The following SYNPR variants were observed in gnomAD, a reference collection of about 807,000 sequenced individuals.
SYNPR encodes synaptoporin.
A neutral mutation model predicts 32.9 loss-of-function variants in SYNPR; 23 were observed. The observed-to-expected ratio is 0.70, with a 90% CI of 0.50 to 0.99. SYNPR has a LOEUF of 0.99. SYNPR is among the 50% of genes least tolerant of loss of function. The pLI is 0.00. For synonymous variants in SYNPR, 146 were observed against 135.9 expected (o/e 1.07, Z -0.52); for missense variants, 318 against 349.3 (o/e 0.91, Z 0.71).
intron 2 of SYNPR, among the ~76,000 whole-genome samples, chr3:63,265,259 T>C (rs1229167456): frequency 3.6e-5 from 3 of 83,556 alleles, no homozygotes; most frequent in African/African-American, 1.2e-4. Flanking sequence ...TTTTTTTTTT[T>C]TTTTTTTTCT....
At chr3:63,321,938 C>T (rs140392423) in intron 2 of SYNPR, among the ~76,000 whole-genome samples, 2 of 152,178 alleles carry the variant, frequency 1.3e-5, no homozygotes, top group East Asian at 3.9e-4. Flanking sequence ...AGGAAATTAG[C>T]AGTTCTCAGC....
intron 2 of SYNPR, among the ~76,000 whole-genome samples, chr3:63,419,614 T>A (rs760853612): frequency 6.6e-6 from 1 of 152,218 alleles, no homozygotes; most frequent in Non-Finnish European, 1.5e-5. Context: ...TCAGCTTTTC[T>A]TGAAAAACTA....
Position 63,609,164 on chromosome 3 carries a change from G to C in SYNPR, c.448G>C (p.Val150Leu). The change falls in exon 5 of 6, where the codon GTG becomes CTG. Residue 150 changes from valine to leucine, a missense_variant. By Grantham distance (32) the Val-to-Leu change is conservative. Coordinates refer to ENST00000478300, the MANE Select transcript of SYNPR (RefSeq NM_001130003.2). ...TGTAGTCTTTTCGTTCTTGTGGTTG[G>C]TGGGTTCATCAGCTTGGGCAAAAGG... Reference protein sequence around the residue: ...VTVVFSFLWLVGSSAWAKGLS... With the variant: ...VTVVFSFLWLLGSSAWAKGLS... The C allele has an allele frequency of 1.2e-6, 2 of 1,610,994 alleles. No homozygotes were observed. Among genetic ancestry groups the C allele is most frequent in the Non-Finnish European group, 1.7e-6 (2 of 1,178,606 alleles).
intron 2 of SYNPR, among the ~76,000 whole-genome samples, chr3:63,284,623 A>G (rs552908582): frequency 6.6e-6 from 1 of 152,340 alleles, no homozygotes; most frequent in South Asian, 2.1e-4. Flanking sequence ...TGGAGACACT[A>G]GCATTTATAT....
chr3:63,259,843 A>T lies in SYNPR; in HGVS notation n.154+7257A>T, dbSNP rs1400703489. Among the ~76,000 whole-genome samples the T allele has an allele frequency of 2.0e-5, 3 of 152,196 alleles. No homozygotes were observed. In the East Asian group the frequency reaches 5.8e-4, roughly 29 times the overall value. On this transcript the variant is annotated intron_variant and non_coding_transcript_variant, in intron 2 of 4. Coordinates refer to the SYNPR transcript ENST00000478456. ...GAAAACCCCATCGTCTCAGCCCAGA[A>T]TCTCCTTAAGGTGATAGACAACTTC...
intron 2 of SYNPR, among the ~76,000 whole-genome samples, chr3:63,372,128 C>T (rs981016363): frequency 2.0e-5 from 3 of 152,110 alleles, no homozygotes; most frequent in Non-Finnish European, 2.9e-5. Flanking sequence ...GCCCCTCTGC[C>T]ACTGCCACGA....
At chr3:63,270,395 T>C (rs2086524131) in intron 3 of SYNPR, among the ~76,000 whole-genome samples, 1 of 152,082 alleles carries the variant, frequency 6.6e-6, no homozygotes, top group Admixed American at 6.5e-5. Context: ...GATCAAATGA[T>C]TTTGCAAAAA....
At chr3:63,581,468 G>A (rs985841022) in intron 4 of SYNPR, among the ~76,000 whole-genome samples, 2 of 95,332 alleles carry the variant, frequency 2.1e-5, no homozygotes, top group African/African-American at 3.3e-5. Flanking sequence ...TTATCAAAAC[G>A]TAAAGCAAAC....
At chr3:63,592,230 A>T (rs1172097280) in intron 4 of SYNPR, among the ~76,000 whole-genome samples, 1 of 152,180 alleles carries the variant, frequency 6.6e-6, no homozygotes, top group African/African-American at 2.4e-5. Flanking sequence ...GCCTCCAGGA[A>T]GAATTAGCCC....
intron 2 of SYNPR, among the ~76,000 whole-genome samples, chr3:63,474,757 C>G (rs1053874200): frequency 6.6e-6 from 1 of 152,132 alleles, no homozygotes; most frequent in Non-Finnish European, 1.5e-5. Context: ...GTACCAACTA[C>G]TTGGTTTCAA....
intron 2 of SYNPR, among the ~76,000 whole-genome samples, chr3:63,297,238 T>C (rs896337474): frequency 1.3e-5 from 2 of 152,178 alleles, no homozygotes; most frequent in African/African-American, 4.8e-5. Context: ...TCACACAACA[T>C]TGGTGGCAGT....
chr3:63,430,888 G>A (rs566372277), intron 2 of SYNPR, among the ~76,000 whole-genome samples: 1 of 152,286 alleles, frequency 6.6e-6, no homozygotes, highest in South Asian at 2.1e-4. Context: ...TGTTCCATGA[G>A]TATCAGCTTC....
At chr3:63,466,346 G>A (rs1372737592) in intron 2 of SYNPR, among the ~76,000 whole-genome samples, 1 of 151,924 alleles carries the variant, frequency 6.6e-6, no homozygotes, top group African/African-American at 2.4e-5. Context: ...CTCAGGGCCT[G>A]GGTTTTGCTG....
At chr3:63,229,906 C>G (rs1417380413) in intron 1 of SYNPR, among the ~76,000 whole-genome samples, 2 of 152,024 alleles carry the variant, frequency 1.3e-5, no homozygotes, top group Non-Finnish European at 2.9e-5. Context: ...TAAAGTCTAG[C>G]TTTTTTGCTT....
chr3:63,297,933 A>G (rs938382888), intron 2 of SYNPR, among the ~76,000 whole-genome samples: 7 of 152,152 alleles, frequency 4.6e-5, no homozygotes, highest in Non-Finnish European at 7.3e-5. Context: ...AGGTTATGTT[A>G]TCTATAGGAA....
intron 2 of SYNPR, among the ~76,000 whole-genome samples, chr3:63,296,288 A>G (rs1165594026): frequency 2.3e-5 from 3 of 132,898 alleles, no homozygotes; most frequent in African/African-American, 2.8e-5. Flanking sequence ...TAGAAATGCT[A>G]TTTCTCAAAC....
At chr3:63,612,116 A>C (rs13078714) in intron 5 of SYNPR, among the ~76,000 whole-genome samples, 67,647 of 152,032 alleles carry the variant, frequency 0.44, 15,217 homozygotes, top group Middle Eastern at 0.54. Context: ...GATACTACAA[A>C]TACTGGGAGC....
At chr3:63,208,737 T>G in the SYNPR span, among the ~76,000 whole-genome samples, 2 of 152,194 alleles carry the variant, frequency 1.3e-5, no homozygotes, top group Non-Finnish European at 2.9e-5. Flanking sequence ...TTGCAGAGAC[T>G]GTAAGCTCCG....
intron 4 of SYNPR, among the ~76,000 whole-genome samples, chr3:63,594,870 T>G (rs1699905895): frequency 6.6e-6 from 1 of 152,152 alleles, no homozygotes; most frequent in African/African-American, 2.4e-5. Flanking sequence ...ATTCCGGCTA[T>G]GACAATATTG....
Sources: allele counts gnomAD v4.1 joint callset (sites outside exome capture counted in the v4.1 genomes callset), GRCh38; gene constraint gnomAD v4.1.1; transcripts MANE v1.5; gene names NCBI Gene and HGNC (gene_info 2026-07-23, HGNC 2026-07-21).